Variants in ADD2 observed in about 807,000 individuals in gnomAD.
ADD2 encodes the protein adducin 2.
In ADD2, 23 loss-of-function variants were observed where a neutral mutation model predicts 83.0. The ratio of observed to expected loss-of-function variants is 0.28; its 90% CI spans 0.20 to 0.39. The LOEUF (loss-of-function observed/expected upper bound fraction) is 0.39. ADD2 is among the 10% of genes least tolerant of loss of function. The pLI is 1.00. For missense variants in ADD2, 758 were observed against 944.9 expected (o/e 0.80, Z 2.59); for synonymous variants, 375 against 375.4 (o/e 1.00, Z 0.01).
At chr2:70,700,470 T>G (rs895580435) in intron 4 of ADD2, among the ~76,000 whole-genome samples, 1 of 151,860 alleles carries the variant, frequency 6.6e-6, no homozygotes, top group Non-Finnish European at 1.5e-5. Flanking sequence ...AGAAAAAAAT[T>G]TATAGCCTTA....
intron 8 of ADD2, among the ~76,000 whole-genome samples, chr2:70,688,656 G>C (rs1670868197): frequency 6.6e-6 from 1 of 152,176 alleles, no homozygotes; most frequent in African/African-American, 2.4e-5. Context: ...AAACAGGTGA[G>C]TCACGTCACC....
chr2:70,740,568 G>C (rs1336339748), intron 1 of ADD2, among the ~76,000 whole-genome samples: 1 of 152,178 alleles, frequency 6.6e-6, no homozygotes, highest in Non-Finnish European at 1.5e-5. Context: ...CTTCATTCTA[G>C]GAGAAGCATC....
chr2:70,753,732 A>C (rs960697681), intron 1 of ADD2, among the ~76,000 whole-genome samples: 1 of 152,184 alleles, frequency 6.6e-6, no homozygotes, highest in African/African-American at 2.4e-5. Context: ...CATTCTGGAA[A>C]GTGATAAAGT....
chr2:70,767,835 G>A, intron 1 of ADD2, 51 bp downstream of exon 1: 1 of 1,532,916 alleles, frequency 6.5e-7, no homozygotes, highest in Non-Finnish European at 8.7e-7. Context: ...CTCCGCGCCA[G>A]GAGACCAGCG....
chr2:70,696,142 G>T, intron 5 of ADD2, 103 bp downstream of exon 5: 2 of 1,453,756 alleles, frequency 1.4e-6, no homozygotes, highest in Non-Finnish European at 9.3e-7. Flanking sequence ...TTAGCCAAAG[G>T]TCACCAGCAG....
At chr2:70,667,369 C>A (rs75880195) in intron 15 of ADD2, among the ~76,000 whole-genome samples, 2,959 of 152,112 alleles carry the variant, frequency 0.019, 65 homozygotes, top group Admixed American at 0.057. Flanking sequence ...GGTTGGGAGA[C>A]AAAGGACTAA....
At chr2:70,746,266 T>A (rs1553381959) in intron 1 of ADD2, among the ~76,000 whole-genome samples, 1 of 152,210 alleles carries the variant, frequency 6.6e-6, no homozygotes, top group East Asian at 1.9e-4. Context: ...AGGGCGCTCA[T>A]CAGTGGGTGG....
intron 2 of ADD2, among the ~76,000 whole-genome samples, chr2:70,708,212 T>C (rs1672002102): frequency 6.6e-6 from 1 of 152,226 alleles, no homozygotes; most frequent in Non-Finnish European, 1.5e-5. Context: ...CCTGTTGTTC[T>C]TGTTTGCATT....
At chr2:70,753,421 G>C (rs1402467625) in intron 1 of ADD2, among the ~76,000 whole-genome samples, 3 of 152,134 alleles carry the variant, frequency 2.0e-5, no homozygotes, top group Admixed American at 6.6e-5. Flanking sequence ...AATGGGAGGA[G>C]GGGGGAAGGA....
intron 6 of ADD2, among the ~76,000 whole-genome samples, chr2:70,694,328 C>T (rs1158615366): frequency 6.6e-6 from 1 of 152,142 alleles, no homozygotes; most frequent in Non-Finnish European, 1.5e-5. Flanking sequence ...AATAACCCCA[C>T]CTAGGTGTCG....
chr2:70,675,010 C>T, intron 13 of ADD2, 185 bp from the exon 14 acceptor site: 1 of 1,340,224 alleles, frequency 7.5e-7, no homozygotes, highest in Non-Finnish European at 9.6e-7. Context: ...TGCTACCTTA[C>T]CCCTAGATTT....
intron 13 of ADD2, chr2:70,675,673 G>A (rs1228895951): frequency 2.0e-6 from 2 of 985,324 alleles, no homozygotes; most frequent in Non-Finnish European, 2.4e-6. Context: ...TGAGCCTGGA[G>A]GCTGCCAGTC....
At chr2:70,678,358 T>C (rs782758603) in intron 11 of ADD2, among the ~76,000 whole-genome samples, 2 of 152,322 alleles carry the variant, frequency 1.3e-5, no homozygotes, top group Non-Finnish European at 2.9e-5. Context: ...GCATCAGATC[T>C]GAAGTCCCAA....
chr2:70,727,919 A>ATAAG (rs1202259569), intron 1 of ADD2, among the ~76,000 whole-genome samples: 14 of 151,568 alleles, frequency 9.2e-5, no homozygotes, highest in Non-Finnish European at 7.4e-5. Context: ...AAATAAATAA[A>ATAAG]TAAATAAATA....
Position 70,704,311 on chromosome 2 carries a change from C to T in ADD2, c.322+10G>A, listed in dbSNP as rs782326602. Reference sequence around the variant, plus strand: ...CCTCTGCTCCTGGCAGCTCCCCAGACACCACATACTCATGGAAGATGTCGG... The same window carrying T: ...CCTCTGCTCCTGGCAGCTCCCCAGATACCACATACTCATGGAAGATGTCGG... On this transcript the variant is annotated intron_variant, in intron 4 of 15. Coordinates refer to ENST00000264436, the MANE Select transcript of ADD2 (RefSeq NM_001617.4). 3 of 1,565,944 alleles carry T rather than the reference C, an allele frequency of 1.9e-6. No homozygotes were observed. In the South Asian group the frequency reaches 3.3e-5, roughly 17 times the overall value.
chr2:70,712,641 C>G (rs1425802154), intron 2 of ADD2, among the ~76,000 whole-genome samples: 1 of 152,128 alleles, frequency 6.6e-6, no homozygotes, highest in East Asian at 1.9e-4. Context: ...AAGAATTAGG[C>G]TGGTTCTCTA....
chr2:70,697,426 C>A (rs1046658065), intron 4 of ADD2, among the ~76,000 whole-genome samples: 50 of 152,160 alleles, frequency 3.3e-4, no homozygotes, highest in African/African-American at 1.2e-3. Flanking sequence ...ATATGACATC[C>A]AGTCTATCCC....
intron 2 of ADD2, among the ~76,000 whole-genome samples, chr2:70,710,799 G>A (rs78538705): frequency 0.033 from 4,989 of 152,260 alleles, 252 homozygotes; most frequent in African/African-American, 0.11. Flanking sequence ...ACCTTGAAAC[G>A]TACTTGTGAG....
At chr2:70,671,226 G>A (rs572276422) in intron 15 of ADD2, among the ~76,000 whole-genome samples, 4 of 152,278 alleles carry the variant, frequency 2.6e-5, no homozygotes, top group Non-Finnish European at 4.4e-5. Context: ...AGGAGTGAGC[G>A]CCTGAGAGCC....
Sources: allele counts gnomAD v4.1 joint callset (sites outside exome capture counted in the v4.1 genomes callset), GRCh38; gene constraint gnomAD v4.1.1; transcripts MANE v1.5; gene names NCBI Gene and HGNC (gene_info 2026-07-23, HGNC 2026-07-21).